The following ARID2 variants were observed in gnomAD, a reference collection of about 807,000 sequenced individuals.
The protein encoded by ARID2 is AT-rich interactive domain-containing protein 2.
Under a neutral mutation model 184.6 loss-of-function variants are expected in ARID2, and 32 were observed. The ratio of observed to expected loss-of-function variants is 0.17; its 90% CI spans 0.13 to 0.23. The LOEUF is 0.23. Among genes scored for constraint, ARID2 ranks in the 10% least tolerant of loss-of-function variants. ARID2 has a pLI of 1.00. For missense variants in ARID2, 1,696 were observed against 2,197.6 expected, an observed-to-expected ratio of 0.77 and a Z score of 4.56; for synonymous variants, 836 against 772.6, an observed-to-expected ratio of 1.08 and a Z score of -1.36.
Position 45,893,647 on chromosome 12 carries a change from A to C in ARID2, c.5289A>C (p.Pro1763=). Residue 1763 remains proline (P), a synonymous_variant, in exon 20 of 21, where the codon CCA becomes CCC. Transcript: ENST00000334344. ...TTTTTAAGGATGAAAAAGAGGGACC[A>C]ATAACTAAACACATCCGACTAACAG... ...FRDFTDEKEG[P]ITKHIRLTAA... is the part of the protein sequence containing the mutation. 6.2e-7 allele frequency: 1 copy of C among 1,606,260 alleles called. No homozygotes were observed. The highest frequency in any genetic ancestry group is 8.5e-7 in the Non-Finnish European group (1 of 1,178,034).
chr12:45,801,198 G>T (rs1375599657), intron 3 of ARID2, among the ~76,000 whole-genome samples: 1 of 152,008 alleles, frequency 6.6e-6, no homozygotes, highest in African/African-American at 2.4e-5. Context: ...CGTAGTCGCA[G>T]CTACTTGGTA....
At chr12:45,766,601 C>A (rs1320168552) in intron 3 of ARID2, among the ~76,000 whole-genome samples, 1 of 151,568 alleles carries the variant, frequency 6.6e-6, no homozygotes, top group Non-Finnish European at 1.5e-5. Context: ...GCAAGCTCCG[C>A]CTCCTGGGTT....
intron 20 of ARID2, among the ~76,000 whole-genome samples, chr12:45,896,421 G>T (rs979097438): frequency 6.6e-6 from 1 of 152,104 alleles, no homozygotes; most frequent in African/African-American, 2.4e-5. Context: ...GGAGGGACCC[G>T]GCAGGAAGTA....
intron 3 of ARID2, among the ~76,000 whole-genome samples, chr12:45,736,878 T>C (rs1323390326): frequency 1.3e-5 from 2 of 152,236 alleles, no homozygotes; most frequent in Non-Finnish European, 2.9e-5. Context: ...TTACTACTTC[T>C]CTTCCCTTCC....
At chr12:45,811,893 A>G (rs1467337435) in intron 4 of ARID2, among the ~76,000 whole-genome samples, 9 of 152,200 alleles carry the variant, frequency 5.9e-5, no homozygotes, top group Non-Finnish European at 1.2e-4. Context: ...TTTCTTATAG[A>G]GTCTATTAGA....
chr12:45,904,285 AG>A, intron 20 of ARID2: 1 of 707,902 alleles, frequency 1.4e-6, no homozygotes, highest in African/African-American at 1.8e-5. Flanking sequence ...ATCCCTTAAA[AG>A]CAACCATTTT....
In ARID2 at chr12:45,851,150, G is replaced by T. The variant is rs745535657; in HGVS notation, c.3027G>T (p.Val1009=). The part of the protein sequence containing the change: ...PPPTVSQMLS[V]KRQQQQQHSP... ...CTACTGTCAGTCAAATGTTATCTGT[G>T]AAAAGGCAGCAACAGCAGCAACATT... The change falls in exon 15 of 21, where the codon GTG becomes GTT. Residue 1009 remains valine (V), a synonymous_variant. Coordinates refer to ENST00000334344, the MANE Select transcript of ARID2 (RefSeq NM_152641.4). 10 of 1,613,870 alleles carry T rather than the reference G, an allele frequency of 6.2e-6. No homozygotes were observed. The South Asian group carries it at 1.1e-4, about 18-fold the overall frequency.
At position 45,836,662 on chromosome 12, in the gene ARID2, T is replaced by C. The variant is rs962873577; in HGVS notation, c.772+7T>C. 2 of 1,605,428 alleles carry C rather than the reference T, an allele frequency of 1.2e-6. No homozygotes were observed. Among genetic ancestry groups the C allele is most frequent in the Admixed American group, 1.7e-5 (1 of 58,104 alleles). On this transcript the variant is annotated splice_region_variant and intron_variant, in intron 7 of 20. Coordinates refer to ENST00000334344, the MANE Select transcript of ARID2 (RefSeq NM_152641.4). ...GACAGAAACAAGTCTCATGGTAAGT[T>C]AGTGAAAGCAAAATTTTTCAAAACC...
chr12:45,799,914 A>G (rs1316839793), intron 3 of ARID2, among the ~76,000 whole-genome samples: 3 of 152,248 alleles, frequency 2.0e-5, no homozygotes, highest in Non-Finnish European at 4.4e-5. Flanking sequence ...TGGTAGCGCA[A>G]TGATGGATCA....
At chr12:45,777,027 A>G (rs549910659) in intron 3 of ARID2, among the ~76,000 whole-genome samples, 6 of 151,614 alleles carry the variant, frequency 4.0e-5, no homozygotes, top group African/African-American at 1.4e-4. Context: ...CCTGGCCTCA[A>G]GTGATCCACC....
At position 45,905,130 on chromosome 12, in the gene ARID2, T is replaced by C; in HGVS notation, c.*52T>C. 6.4e-7 allele frequency: 1 copy of C among 1,567,592 alleles called. No individual in the cohort carries two copies. Among genetic ancestry groups the C allele is most frequent in the Non-Finnish European group, 8.7e-7 (1 of 1,152,584 alleles). ...GACTCAAAGTCAGCCACATTTCACA[T>C]ACTGTTACTGAAGAAAGCACCAAGT... is the stretch of plus-strand genomic sequence containing the variant. On this transcript the variant is annotated 3_prime_UTR_variant, in exon 21 of 21. Transcript: ENST00000334344.
intron 3 of ARID2, among the ~76,000 whole-genome samples, chr12:45,792,761 A>G (rs942744335): frequency 6.6e-6 from 1 of 152,138 alleles, no homozygotes; most frequent in African/African-American, 2.4e-5. Flanking sequence ...GTTTTTTAAA[A>G]TGAGTTAAAT....
At chr12:45,802,268 G>T (rs1942519028) in intron 3 of ARID2, among the ~76,000 whole-genome samples, 1 of 151,892 alleles carries the variant, frequency 6.6e-6, no homozygotes, top group African/African-American at 2.4e-5. Flanking sequence ...GTCTCACTAT[G>T]GTTGCCCAGG....
intron 16 of ARID2, chr12:45,882,019 C>T: frequency 1.1e-5 from 2 of 179,752 alleles, no homozygotes; most frequent in Admixed American, 5.8e-5. Context: ...GTCTGTCACA[C>T]AACATGGCCT....
At chr12:45,814,667 C>T (rs1361521849) in intron 4 of ARID2, among the ~76,000 whole-genome samples, 1 of 152,052 alleles carries the variant, frequency 6.6e-6, no homozygotes, top group African/African-American at 2.4e-5. Context: ...AATAAACTTC[C>T]CTCCTCATTC....
rs765729231 is a variant in ARID2 at position 45,850,604 on chromosome 12, A to G, written c.2481A>G (p.Gln827=). 5.0e-6 allele frequency: 8 copies of G among 1,614,018 alleles called. No homozygotes were observed. The highest frequency in any genetic ancestry group is 6.8e-6 in the Non-Finnish European group (8 of 1,179,974). The part of the protein sequence containing the change: ...QGQQLITTSP[Q]PVQTSSQQTS... The stretch of plus-strand genomic sequence containing the variant: ...AACAGTTAATCACCACATCACCCCA[A>G]CCTGTGCAAACTTCATCTCAACAGA... The change falls in exon 15 of 21, where the codon CAA becomes CAG. Residue 827 remains glutamine (Q), a synonymous_variant. Transcript: ENST00000334344.
At chr12:45,773,125 A>G (rs1282732438) in intron 3 of ARID2, among the ~76,000 whole-genome samples, 7 of 152,164 alleles carry the variant, frequency 4.6e-5, no homozygotes, top group Non-Finnish European at 1.5e-5. Flanking sequence ...AAAAATATGT[A>G]GAAATGGAAC....
chr12:45,773,692 A>C (rs11183199), intron 3 of ARID2, among the ~76,000 whole-genome samples: 14,299 of 152,172 alleles, frequency 0.094, 2,295 homozygotes, highest in African/African-American at 0.32. Flanking sequence ...TTAAAAAAAA[A>C]AGACAATGTA....
intron 6 of ARID2, among the ~76,000 whole-genome samples, chr12:45,825,779 G>A (rs1042409557): frequency 2.0e-5 from 3 of 151,946 alleles, no homozygotes; most frequent in African/African-American, 7.3e-5. Flanking sequence ...CAGAAGGATT[G>A]CTTGAGCTCT....
Sources: gnomAD v4.1 joint callset for allele counts (sites outside exome capture counted in the v4.1 genomes callset) on GRCh38, gnomAD v4.1.1 for gene constraint, MANE v1.5 for transcripts, NCBI Gene and HGNC (gene_info 2026-07-23, HGNC 2026-07-21) for gene names.